Variants in ANTXR2 observed in about 807,000 individuals in gnomAD.
ANTXR2 encodes anthrax toxin receptor 2.
ANTXR2 carries 44 observed loss-of-function variants against 73.7 expected under a neutral mutation model. The observed-to-expected ratio is 0.60, with a 90% CI of 0.47 to 0.77. The LOEUF (loss-of-function observed/expected upper bound fraction) is 0.77. ANTXR2 is among the 30% of genes least tolerant of loss of function. The probability of loss-of-function intolerance (pLI) is 0.00; values close to 1 mark genes in which losing one functional copy is unlikely to be tolerated. For missense variants in ANTXR2, 604 were observed against 592.5 expected (o/e 1.02, Z -0.20); for synonymous variants, 217 against 205.9 (o/e 1.05, Z -0.46).
intron 11 of ANTXR2, among the ~76,000 whole-genome samples, chr4:80,017,339 C>T (rs1472101907): frequency 1.3e-5 from 2 of 152,192 alleles, no homozygotes; most frequent in African/African-American, 4.8e-5. Flanking sequence ...CCCTTACCTT[C>T]AAGTCTTTTC....
chr4:80,035,650 T>C (rs1245353219), intron 8 of ANTXR2, among the ~76,000 whole-genome samples: 3 of 152,178 alleles, frequency 2.0e-5, no homozygotes, highest in Non-Finnish European at 2.9e-5. Context: ...TATACCTGAC[T>C]GTTTGTATAA....
intron 3 of ANTXR2, among the ~76,000 whole-genome samples, chr4:80,064,766 G>C (rs1477446530): frequency 6.6e-6 from 1 of 152,170 alleles, no homozygotes; most frequent in Non-Finnish European, 1.5e-5. Context: ...AGCTCAGTCT[G>C]TTCAGGGAAT....
intron 16 of ANTXR2, among the ~76,000 whole-genome samples, chr4:79,929,350 T>G (rs1451608871): frequency 6.6e-6 from 1 of 152,018 alleles, no homozygotes; most frequent in Non-Finnish European, 1.5e-5. Context: ...CCATCTCTAC[T>G]AAAAATATAA....
intron 3 of ANTXR2, among the ~76,000 whole-genome samples, chr4:80,067,621 T>G (rs1734567461): frequency 6.6e-6 from 1 of 152,224 alleles, no homozygotes; most frequent in South Asian, 2.1e-4. Flanking sequence ...CGAGAACTGT[T>G]AAATCACTGA....
intron 16 of ANTXR2, among the ~76,000 whole-genome samples, chr4:79,959,045 GA>G (rs1009181191): frequency 2.0e-5 from 3 of 151,364 alleles, no homozygotes; most frequent in East Asian, 1.9e-4. Context: ...TTTAAAAAAT[GA>G]AAAAAATGCA....
At chr4:79,933,502 T>C (rs978456561) in intron 16 of ANTXR2, among the ~76,000 whole-genome samples, 1 of 152,194 alleles carries the variant, frequency 6.6e-6, no homozygotes, top group Non-Finnish European at 1.5e-5. Context: ...TGAATCATAT[T>C]GTTGGAAGAA....
Position 80,031,670 on chromosome 4 carries a change from C to T in ANTXR2, c.819G>A (p.Gln273=). ...GTGCAGGACAAAGCATAGAATTAAG[C>T]TGTACACTTACTGGTTTTACACCTA... The part of the protein sequence containing the change: ...YTTSVKPVSV[Q]LNSMLCPAPI... The change falls in exon 10 of 17, where the codon CAG becomes CAA. Residue 273 remains glutamine, a synonymous_variant. Transcript: ENST00000403729. 6.6e-7 allele frequency: 1 copy of T among 1,520,678 alleles called. No homozygotes were observed. The highest frequency in any genetic ancestry group is 2.5e-5 in the East Asian group (1 of 39,612). 94.2% of individuals were successfully genotyped at this position (1,520,678 alleles called of 1,614,324 possible). A position where few individuals can be genotyped will look rare whatever the true frequency, so the allele number is the denominator to read the frequency against.
chr4:80,066,142 T>C (rs1314882741), intron 3 of ANTXR2, among the ~76,000 whole-genome samples: 2 of 152,196 alleles, frequency 1.3e-5, no homozygotes, highest in African/African-American at 4.8e-5. Flanking sequence ...ATAAAATTAG[T>C]AAAATAGCAA....
chr4:79,911,626 A>T (rs1727142116), intron 16 of ANTXR2, among the ~76,000 whole-genome samples: 1 of 151,990 alleles, frequency 6.6e-6, no homozygotes, highest in African/African-American at 2.4e-5. Flanking sequence ...CAAGAGTTAA[A>T]ATGAATGAAT....
chr4:79,994,115 A>G (rs1390128968), intron 12 of ANTXR2, among the ~76,000 whole-genome samples: 1 of 152,022 alleles, frequency 6.6e-6, no homozygotes, highest in Non-Finnish European at 1.5e-5. Context: ...CACAAAATTT[A>G]TTGATAGTTA....
At chr4:80,062,404 G>A (rs556841168) in intron 3 of ANTXR2, among the ~76,000 whole-genome samples, 3 of 152,216 alleles carry the variant, frequency 2.0e-5, no homozygotes, top group South Asian at 2.1e-4. Context: ...TACCACTTCC[G>A]TGTGCCAGGT....
intron 9 of ANTXR2, among the ~76,000 whole-genome samples, chr4:80,031,912 T>G (rs562680556): frequency 5.9e-5 from 9 of 151,898 alleles, no homozygotes; most frequent in African/African-American, 2.2e-4. Flanking sequence ...GTTAGGATTA[T>G]TTTGACTTAG....
At chr4:80,054,195 G>T in intron 7 of ANTXR2, 77 bp downstream of exon 7, 1 of 1,144,912 alleles carries the variant, frequency 8.7e-7, no homozygotes, top group Non-Finnish European at 1.3e-6. Context: ...ACCTGCACTG[G>T]ATATTAAGAT....
At chr4:80,052,088 A>G (rs1022442693) in intron 7 of ANTXR2, among the ~76,000 whole-genome samples, 9 of 151,680 alleles carry the variant, frequency 5.9e-5, no homozygotes, top group Non-Finnish European at 1.2e-4. Flanking sequence ...TTCTGCCTTC[A>G]TAGTGCCACA....
intron 16 of ANTXR2, among the ~76,000 whole-genome samples, chr4:79,915,862 C>CTCTCTCTATATATATATATA (rs377006532): frequency 4.8e-5 from 6 of 123,878 alleles, no homozygotes; most frequent in Non-Finnish European, 6.7e-5. Flanking sequence ...CTCTCTCTCT[C>CTCTCTCTATATATATATATA]TATATATATA....
rs754863728 is a variant in ANTXR2, at chr4:80,071,561, AAAAGT to A, written c.224+17_224+21del. ...TTTGCTCTACTTCTCCACTGCCTAG[AAAAGT>A]AAAGTAAGAAAGATACCTCACAAAT... On this transcript the variant is annotated intron_variant, in intron 2 of 16. Coordinates refer to ENST00000403729, the MANE Select transcript of ANTXR2 (RefSeq NM_058172.6). The A allele has an allele frequency of 1.3e-5, 20 of 1,592,894 alleles. No individual in the cohort carries two copies. In the Middle Eastern group the frequency reaches 1.8e-3, roughly 145 times the overall value.
intron 2 of ANTXR2, among the ~76,000 whole-genome samples, chr4:80,070,304 C>A (rs755731493): frequency 2.6e-5 from 4 of 152,232 alleles, no homozygotes; most frequent in Non-Finnish European, 5.9e-5. Context: ...AATTGAGCAA[C>A]TAGGCTTGAG....
In ANTXR2 at chr4:79,905,574, A is replaced by T. The variant is rs182770575; in HGVS notation, c.*1855T>A. On this transcript the variant is annotated 3_prime_UTR_variant, in exon 17 of 17. Transcript: ENST00000403729. ...CTTAAAGAAATGGTAGCACAGGCAT[A>T]GGTAAAATTTTTATTTATGAATGTG... 1 of 152,328 alleles carries T rather than the reference A, an allele frequency of 6.6e-6. No individual in the cohort carries two copies. Among genetic ancestry groups the T allele is most frequent in the East Asian group, 1.9e-4 (1 of 5,182 alleles). 9.4% of individuals were successfully genotyped at this position (152,328 alleles called of 1,614,324 possible). A position where few individuals can be genotyped will look rare whatever the true frequency, so the allele number is the denominator to read the frequency against.
At chr4:79,956,798 T>C (rs1192444670) in intron 16 of ANTXR2, among the ~76,000 whole-genome samples, 3 of 151,690 alleles carry the variant, frequency 2.0e-5, no homozygotes, top group African/African-American at 7.3e-5. Context: ...CACACACTCA[T>C]AGAAGCATTG....
Sources: gnomAD v4.1 joint callset for allele counts (sites outside exome capture counted in the v4.1 genomes callset) on GRCh38, gnomAD v4.1.1 for gene constraint, MANE v1.5 for transcripts, NCBI Gene and HGNC (gene_info 2026-07-23, HGNC 2026-07-21) for gene names.